The following SPON1 variants were observed in gnomAD, a reference collection of about 807,000 sequenced individuals.
The protein encoded by SPON1 is spondin 1.
SPON1 carries 52 observed loss-of-function variants against 111.7 expected under a neutral mutation model. The observed-to-expected ratio is 0.47, with a 90% CI of 0.37 to 0.59. SPON1 has a LOEUF of 0.59. SPON1 is among the 20% of genes least tolerant of loss of function. The pLI is 0.00. For synonymous variants in SPON1, 410 were observed against 395.8 expected (o/e 1.04, Z -0.43); for missense variants, 957 against 1,068.5 (o/e 0.90, Z 1.46).
At chr11:14,184,505 G>C (rs180738687) in intron 6 of SPON1, among the ~76,000 whole-genome samples, 54 of 152,312 alleles carry the variant, frequency 3.5e-4, no homozygotes, top group Middle Eastern at 3.4e-3. Context: ...AGGCTAAGTG[G>C]AGTGTTTCTT....
At position 14,255,691 on chromosome 11, in the gene SPON1, G is replaced by C. The variant is rs1554941133; in HGVS notation, c.1137G>C (p.Leu379=). ...PTIPQEKIRP[L]TSLDHPQSPF... ...TTCCCCAGGAGAAAATCCGGCCCCTGACCAGCCTGGACCATCCTCAGAGTC... is the reference window on the plus strand; with the variant it reads ...TTCCCCAGGAGAAAATCCGGCCCCTCACCAGCCTGGACCATCCTCAGAGTC... The change falls in exon 9 of 16, where the codon CTG becomes CTC. Residue 379 remains leucine, a synonymous_variant. Coordinates refer to ENST00000576479, the MANE Select transcript of SPON1 (RefSeq NM_006108.4). 1 of 1,613,892 alleles carries C rather than the reference G, an allele frequency of 6.2e-7. No homozygotes were observed. Among genetic ancestry groups the C allele is most frequent in the South Asian group, 1.1e-5 (1 of 91,066 alleles).
In SPON1 at chr11:14,262,843, G is replaced by C. The variant is rs1554942052; in HGVS notation, c.2128G>C (p.Val710Leu). ...TGGAGGTGCACCCTGCCCAGAGACTGTGCAGCGAAAAAAGTGCCGCATCCG... is the reference window on the plus strand; with the variant it reads ...TGGAGGTGCACCCTGCCCAGAGACTCTGCAGCGAAAAAAGTGCCGCATCCG... ...QFGGAPCPET[V>L]QRKKCRIRKC... Residue 710 changes from valine to leucine, a missense_variant, in exon 15 of 16, where the codon GTG becomes CTG. Val to Leu is a conservative substitution (Grantham distance 32). Around this residue, in one of 5 missense-constraint regions of SPON1, gnomAD observed 549 missense variants for 606.2 expected, o/e 0.91. Transcript: ENST00000576479. The C allele has an allele frequency of 5.0e-6, 8 of 1,613,842 alleles. No individual in the cohort carries two copies. The Admixed American group carries it at 6.7e-5, about 13-fold the overall frequency.
intron 5 of SPON1, among the ~76,000 whole-genome samples, chr11:14,110,662 G>A (rs1343700165): frequency 6.6e-6 from 1 of 152,192 alleles, no homozygotes; most frequent in Non-Finnish European, 1.5e-5. Flanking sequence ...AAGGCCACTG[G>A]TGCAAGTTGC....
chr11:14,137,648 T>C (rs1847608275), intron 6 of SPON1, among the ~76,000 whole-genome samples: 1 of 152,272 alleles, frequency 6.6e-6, no homozygotes, highest in African/African-American at 2.4e-5. Context: ...AGACATATAA[T>C]CTGCTCCGTG....
chr11:14,065,329 C>T (rs1321150576), intron 3 of SPON1, among the ~76,000 whole-genome samples: 2 of 152,172 alleles, frequency 1.3e-5, no homozygotes, highest in African/African-American at 2.4e-5. Context: ...CAAAGTGGGA[C>T]GAACTGCGGA....
intron 2 of SPON1, among the ~76,000 whole-genome samples, chr11:13,996,767 A>G (rs1848275933): frequency 6.6e-6 from 1 of 152,046 alleles, no homozygotes; most frequent in Non-Finnish European, 1.5e-5. Flanking sequence ...GAATATTGGA[A>G]CCATTCTCTA....
At chr11:14,020,429 G>T (rs942611852) in intron 2 of SPON1, among the ~76,000 whole-genome samples, 40 of 152,336 alleles carry the variant, frequency 2.6e-4, no homozygotes, top group African/African-American at 9.4e-4. Context: ...GATGCCAAGG[G>T]TTAAGAAGAG....
At chr11:13,974,413 C>T (rs547586344) in intron 1 of SPON1, among the ~76,000 whole-genome samples, 29 of 152,006 alleles carry the variant, frequency 1.9e-4, no homozygotes, top group Admixed American at 5.9e-4. Context: ...AGACAGAGTG[C>T]GGAGGAAGAT....
chr11:14,102,403 T>C (rs2133844233), intron 5 of SPON1, among the ~76,000 whole-genome samples: 1 of 152,348 alleles, frequency 6.6e-6, no homozygotes, highest in Middle Eastern at 3.4e-3. Flanking sequence ...CATATAAAAA[T>C]TTATTATTGA....
chr11:14,057,844 C>CAAAACAAAAAAAAAAA (rs1554919409), intron 3 of SPON1, among the ~76,000 whole-genome samples: 1 of 125,528 alleles, frequency 8.0e-6, no homozygotes, highest in South Asian at 3.0e-4. Flanking sequence ...AAAAAAAAAA[C>CAAAACAAAAAAAAAAA]AAAACAAAAA....
chr11:14,004,221 AT>A lies in SPON1; in HGVS notation c.345+21272del, dbSNP rs576680417. Among the ~76,000 whole-genome samples the A allele has an allele frequency of 5.3e-5, 8 of 152,046 alleles. No homozygotes were observed. In the East Asian group the frequency reaches 1.5e-3, roughly 29 times the overall value. On this transcript the variant is annotated intron_variant, in intron 2 of 15. Coordinates refer to ENST00000576479, the MANE Select transcript of SPON1 (RefSeq NM_006108.4). ...CTTTCCCCATTTGTACATTTCCTAC[AT>A]TTTCTTTTCCCAAATGAACATGGAC...
chr11:14,107,852 A>G (rs950407262), intron 5 of SPON1, among the ~76,000 whole-genome samples: 6 of 152,186 alleles, frequency 3.9e-5, no homozygotes, highest in Admixed American at 1.3e-4. Context: ...GAGGCAATAC[A>G]TATTGTATAT....
intron 2 of SPON1, among the ~76,000 whole-genome samples, chr11:14,008,919 A>G (rs1278299963): frequency 1.3e-5 from 2 of 152,184 alleles, no homozygotes; most frequent in Non-Finnish European, 2.9e-5. Context: ...AGTCCTGCTG[A>G]TGGTACCTTG....
intron 1 of SPON1, among the ~76,000 whole-genome samples, chr11:13,976,879 G>C (rs782793331): frequency 1.3e-5 from 2 of 152,074 alleles, no homozygotes; most frequent in African/African-American, 4.8e-5. Context: ...TGTTACTACT[G>C]TCCTGACCTC....
intron 6 of SPON1, among the ~76,000 whole-genome samples, chr11:14,140,031 C>G (rs1279102473): frequency 2.0e-5 from 3 of 152,170 alleles, no homozygotes; most frequent in South Asian, 2.1e-4. Flanking sequence ...TTTGTCTCTA[C>G]TCAGACGAAA....
At chr11:14,027,822 G>T (rs1554915557) in intron 2 of SPON1, among the ~76,000 whole-genome samples, 1 of 152,130 alleles carries the variant, frequency 6.6e-6, no homozygotes. Context: ...TTTTAGTACT[G>T]CATTATACTG....
intron 6 of SPON1, among the ~76,000 whole-genome samples, chr11:14,169,967 T>C (rs1378817120): frequency 3.3e-5 from 5 of 152,358 alleles, no homozygotes; most frequent in East Asian, 3.9e-4. Context: ...TAGGATTGAC[T>C]TGGCAATGTG....
intron 3 of SPON1, among the ~76,000 whole-genome samples, chr11:14,063,219 G>T (rs559946572): frequency 7.9e-5 from 12 of 152,098 alleles, no homozygotes; most frequent in African/African-American, 2.9e-4. Flanking sequence ...ACAATTTGCA[G>T]TACCTTGTTT....
Position 14,079,944 on chromosome 11 carries a change from G to A in SPON1, c.599G>A (p.Cys200Tyr). 2 of 1,613,918 alleles carry A rather than the reference G, an allele frequency of 1.2e-6. No homozygotes were observed. Among genetic ancestry groups the A allele is most frequent in the Non-Finnish European group, 1.7e-6 (2 of 1,179,870 alleles). ...GVTDKPILDC[C>Y]ACGTAKYRLT... ...ACTGACAAACCCATCTTAGACTGCTGTGCCTGCGGAACTGCCAAGTACAGA... is the reference window on the plus strand; with the variant it reads ...ACTGACAAACCCATCTTAGACTGCTATGCCTGCGGAACTGCCAAGTACAGA... Residue 200 changes from cysteine (C) to tyrosine (Y), a missense_variant, in exon 5 of 16, where the codon TGT (cysteine) becomes TAT (tyrosine). By Grantham distance (194) the Cys-to-Tyr change is radical (BLOSUM62 -2). Coordinates refer to ENST00000576479, the MANE Select transcript of SPON1 (RefSeq NM_006108.4).
Sources: gnomAD v4.1 joint callset for allele counts (sites outside exome capture counted in the v4.1 genomes callset) on GRCh38, gnomAD v4.1.1 for gene constraint, gnomAD v4.1.1 regional missense constraint, MANE v1.5 for transcripts, NCBI Gene and HGNC (gene_info 2026-07-23, HGNC 2026-07-21) for gene names.